Variants in MOCOS observed in about 807,000 individuals in gnomAD.
The protein encoded by MOCOS is molybdenum cofactor sulfurase.
A neutral mutation model predicts 83.6 loss-of-function variants in MOCOS; 86 were observed. That is an observed-to-expected ratio of 1.03 (90% CI 0.86 to 1.23). The LOEUF (loss-of-function observed/expected upper bound fraction) is 1.23, where lower values mean the gene tolerates loss of function less well. MOCOS is among the 50% of genes most tolerant of loss of function. MOCOS has a pLI of 0.00. For missense variants in MOCOS, 1,120 were observed against 1,126.9 expected, an observed-to-expected ratio of 0.99 and a Z score of 0.09; for synonymous variants, 445 against 434.7, an observed-to-expected ratio of 1.02 and a Z score of -0.29.
chr18:36,189,635 T>C (rs1288280069), intron 1 of MOCOS, among the ~76,000 whole-genome samples: 1 of 152,200 alleles, frequency 6.6e-6, no homozygotes, highest in Non-Finnish European at 1.5e-5. Flanking sequence ...CTTGCCTTTG[T>C]GAAGGGAGAG....
intron 6 of MOCOS, among the ~76,000 whole-genome samples, chr18:36,209,277 T>G (rs556180790): frequency 2.0e-5 from 3 of 152,136 alleles, no homozygotes; most frequent in African/African-American, 7.2e-5. Context: ...CTCCCTGGCT[T>G]AAGTGATCCT....
rs1402005963 is a variant in MOCOS, at chr18:36,269,475, T to C, written c.*790T>C. ...AGGGAGGAACTTTGGCATTCAGGAA[T>C]CCTGTCTGTATCATCTTTGACCACT... On this transcript the variant is annotated 3_prime_UTR_variant, in exon 15 of 15. Transcript: ENST00000261326. The C allele has an allele frequency of 6.6e-6, 1 of 152,306 alleles. No individual in the cohort carries two copies. Among genetic ancestry groups the C allele is most frequent in the African/African-American group, 2.4e-5 (1 of 41,458 alleles). The allele number at this position is 152,306 out of a possible 1,614,324, so 9.4% of individuals were successfully genotyped here.
At chr18:36,266,879 C>T (rs760077846) in intron 14 of MOCOS, 26 bp downstream of exon 14, 34 of 1,565,896 alleles carry the variant, frequency 2.2e-5, no homozygotes, top group Non-Finnish European at 2.8e-5. Flanking sequence ...AAATATGACA[C>T]CTGGTTTCCA....
intron 11 of MOCOS, among the ~76,000 whole-genome samples, chr18:36,255,020 C>T (rs2091636674): frequency 6.6e-6 from 1 of 152,024 alleles, no homozygotes; most frequent in Non-Finnish European, 1.5e-5. Flanking sequence ...GCCTTTGCAC[C>T]CAGCCCATAA....
rs191440005 is a variant in MOCOS at position 36,208,166 on chromosome 18, G to A, written c.1218+2890G>A. 1.0e-3 allele frequency among the ~76,000 whole-genome samples: 152 copies of A among 152,220 alleles called. 1 individual carries two copies. The highest frequency in any genetic ancestry group is 3.6e-3 in the African/African-American group (148 of 41,552). On this transcript the variant is annotated intron_variant, in intron 6 of 14. Coordinates refer to ENST00000261326, the MANE Select transcript of MOCOS (RefSeq NM_017947.4). Reference sequence around the variant, plus strand: ...CCGTTGAATTTATGTGTCTGTTTTTGTACTAGAACCATGCTGTTTTGATTA... The same window carrying A: ...CCGTTGAATTTATGTGTCTGTTTTTATACTAGAACCATGCTGTTTTGATTA...
At chr18:36,248,768 A>G (rs2091611750) in intron 9 of MOCOS, among the ~76,000 whole-genome samples, 154 bp from the exon 10 acceptor site, 1 of 152,064 alleles carries the variant, frequency 6.6e-6, no homozygotes, top group South Asian at 2.1e-4. Flanking sequence ...GTGGATTTAT[A>G]TTTTGGTTCT....
At chr18:36,219,197 T>TA (rs1272423024) in intron 8 of MOCOS, among the ~76,000 whole-genome samples, 61 of 106,964 alleles carry the variant, frequency 5.7e-4, no homozygotes, top group African/African-American at 1.7e-3. Flanking sequence ...TATTTTATTT[T>TA]TTTTTTTGAC....
At chr18:36,216,063 A>T in intron 8 of MOCOS, 86 bp downstream of exon 8, 1 of 1,339,224 alleles carries the variant, frequency 7.5e-7, no homozygotes, top group Non-Finnish European at 1.0e-6. Context: ...CATGAAAAAA[A>T]TCAAAATCAT....
At chr18:36,259,704 G>A (rs2144151283) in intron 12 of MOCOS, among the ~76,000 whole-genome samples, 1 of 152,278 alleles carries the variant, frequency 6.6e-6, no homozygotes, top group Non-Finnish European at 1.5e-5. Flanking sequence ...GAACTGGTGT[G>A]TTCTCAGAAG....
intron 4 of MOCOS, among the ~76,000 whole-genome samples, chr18:36,201,176 G>T (rs773690924): frequency 6.6e-6 from 1 of 152,166 alleles, no homozygotes; most frequent in Non-Finnish European, 1.5e-5. Context: ...GACGGGAAGG[G>T]CTTTAGATCC....
intron 9 of MOCOS, among the ~76,000 whole-genome samples, chr18:36,243,527 A>G (rs2091591713): frequency 6.6e-6 from 1 of 151,836 alleles, no homozygotes; most frequent in Admixed American, 6.6e-5. Flanking sequence ...GATTTTGTTG[A>G]GGATTTTTGC....
At chr18:36,219,973 G>A in intron 8 of MOCOS, 82 bp from the exon 9 acceptor site, 1 of 1,546,514 alleles carries the variant, frequency 6.5e-7, no homozygotes, top group Non-Finnish European at 8.9e-7. Flanking sequence ...AAGTCTATCT[G>A]TGTTTGTGTA....
chr18:36,193,103 A>G (rs1192433384), intron 1 of MOCOS, among the ~76,000 whole-genome samples: 6 of 150,356 alleles, frequency 4.0e-5, no homozygotes, highest in African/African-American at 1.5e-4. Context: ...TGAGGTCAGG[A>G]GATCGAGACC....
At position 36,205,102 on chromosome 18, in the gene MOCOS, C is replaced by T. The variant is rs2091429873; in HGVS notation, c.1044C>T (p.His348=). 6.2e-7 allele frequency: 1 copy of T among 1,611,722 alleles called. No homozygotes were observed. ...LTGGMENIKQ[H]TFTLAQYTYV... ...GTGGAATGGAGAATATAAAGCAGCA[C>T]ACCTTCACCTTGGCTCAGTATACCT... The change falls in exon 6 of 15, where the codon CAC becomes CAT. Residue 348 remains histidine, a synonymous_variant. Coordinates refer to ENST00000261326, the MANE Select transcript of MOCOS (RefSeq NM_017947.4).
chr18:36,192,905 T>C (rs2091371595), intron 1 of MOCOS, among the ~76,000 whole-genome samples: 1 of 152,058 alleles, frequency 6.6e-6, no homozygotes, highest in East Asian at 1.9e-4. Context: ...CACCTCAGCT[T>C]CCCCAAGTGC....
intron 7 of MOCOS, among the ~76,000 whole-genome samples, chr18:36,213,969 C>T (rs927148268): frequency 6.4e-4 from 97 of 150,964 alleles, no homozygotes; most frequent in African/African-American, 1.8e-3. Flanking sequence ...AAGCCGGGCA[C>T]GGTGGCTCAT....
In MOCOS at chr18:36,264,348, C is replaced by T. The variant is rs1839528496; in HGVS notation, c.2410-2401C>T. 3.3e-5 allele frequency among the ~76,000 whole-genome samples: 5 copies of T among 152,254 alleles called. No individual in the cohort carries two copies. In the South Asian group the frequency reaches 1.0e-3, roughly 32 times the overall value. On this transcript the variant is annotated intron_variant, in intron 13 of 14. Coordinates refer to ENST00000261326, the MANE Select transcript of MOCOS (RefSeq NM_017947.4). ...GCTGGGGCTGGTGCAAGCTGCAGGG[C>T]CCTGGCATCCTTTCTGCAGGAGCTG...
chr18:36,244,663 C>T (rs2091596296), intron 9 of MOCOS, among the ~76,000 whole-genome samples: 1 of 152,008 alleles, frequency 6.6e-6, no homozygotes, highest in African/African-American at 2.4e-5. Context: ...AGTTTAAGTC[C>T]ATTGATTCTT....
At chr18:36,203,259 T>G in intron 5 of MOCOS, 70 bp downstream of exon 5, 2 of 1,401,774 alleles carry the variant, frequency 1.4e-6, no homozygotes, top group Non-Finnish European at 2.0e-6. Context: ...GGCACAGGTG[T>G]GATTCAGGTA....
Sources: gnomAD v4.1 joint callset for allele counts (sites outside exome capture counted in the v4.1 genomes callset) on GRCh38, gnomAD v4.1.1 for gene constraint, MANE v1.5 for transcripts, NCBI Gene and HGNC (gene_info 2026-07-23, HGNC 2026-07-21) for gene names.